Variants in ASH1L observed in about 807,000 individuals in gnomAD.
ASH1L encodes the protein histone-lysine N-methyltransferase ASH1L.
ASH1L carries 23 observed loss-of-function variants against 269.0 expected under a neutral mutation model. The ratio of observed to expected loss-of-function variants is 0.09; its 90% CI spans 0.06 to 0.12. ASH1L has a LOEUF of 0.12. ASH1L is among the 10% of genes least tolerant of loss of function. The pLI, the probability that ASH1L is intolerant of heterozygous loss-of-function variation, is 1.00. For synonymous variants in ASH1L, 1,187 were observed against 1,253.5 expected (o/e 0.95, Z 1.12); for missense variants, 2,912 against 3,567.8 (o/e 0.82, Z 4.68).
chr1:155,423,589 A>AAAACG (rs1660896578), intron 5 of ASH1L, among the ~76,000 whole-genome samples: 1 of 152,052 alleles, frequency 6.6e-6, no homozygotes, highest in Non-Finnish European at 1.5e-5. Flanking sequence ...AAAACAAAAC[A>AAAACG]AAAACAAAAA....
chr1:155,376,332 C>T (rs748544168), intron 10 of ASH1L, among the ~76,000 whole-genome samples: 12 of 152,216 alleles, frequency 7.9e-5, no homozygotes, highest in Non-Finnish European at 1.3e-4. Flanking sequence ...ACATGGACAG[C>T]TGACTAGAGA....
chr1:155,530,252 T>C (rs992106345), intron 1 of ASH1L, among the ~76,000 whole-genome samples: 1 of 152,202 alleles, frequency 6.6e-6, no homozygotes, highest in Non-Finnish European at 1.5e-5. Context: ...GTGTACTATA[T>C]ATTTGTTGTG....
rs1354219740 is a variant in ASH1L at position 155,358,436 on chromosome 1, A to G, written c.6796-687T>C. Among the ~76,000 whole-genome samples, 12 of 152,028 alleles carry G rather than the reference A, an allele frequency of 7.9e-5. No individual in the cohort carries two copies. The South Asian group carries it at 1.5e-3, about 18-fold the overall frequency. On this transcript the variant is annotated intron_variant, in intron 13 of 27. Coordinates refer to ENST00000392403, the MANE Select transcript of ASH1L (RefSeq NM_018489.3). ...GCATGGTGGCTCATGCCTGTAATCC[A>G]GCACTTTGGGAGGCCAAGGCGGGCG... is the stretch of plus-strand genomic sequence containing the variant.
chr1:155,426,447 C>T (rs981488145), intron 5 of ASH1L, among the ~76,000 whole-genome samples: 5 of 151,804 alleles, frequency 3.3e-5, no homozygotes, highest in East Asian at 1.9e-4. Flanking sequence ...GTGATCCGAC[C>T]GCCTCGGCCT....
intron 4 of ASH1L, among the ~76,000 whole-genome samples, chr1:155,443,979 C>CTTTTTTTTTT (rs60206113): frequency 9.5e-6 from 1 of 105,768 alleles, no homozygotes; most frequent in African/African-American, 4.0e-5. Context: ...ATTACTAAAT[C>CTTTTTTTTTT]TTTTTTTTTT....
At chr1:155,392,451 A>G (rs1274450742) in intron 7 of ASH1L, among the ~76,000 whole-genome samples, 2 of 151,968 alleles carry the variant, frequency 1.3e-5, no homozygotes, top group African/African-American at 4.8e-5. Flanking sequence ...ACTTAGGATT[A>G]CTATGTTTTA....
Position 155,338,291 on chromosome 1 carries a change from C to T in ASH1L, c.8601G>A (p.Glu2867=). The T allele has an allele frequency of 6.2e-7, 1 of 1,614,070 alleles. No homozygotes were observed. The highest frequency in any genetic ancestry group is 8.5e-7 in the Non-Finnish European group (1 of 1,180,026). ...GGCTGGGTATCTCATTGGCTGCTTG[C>T]TCTTGACTGGCTAGAACCTCTTCAA... ...PLIEEVLASQ[E]QAANEIPSLE... The change falls in exon 27 of 28, where the codon GAG becomes GAA. Residue 2867 remains glutamate, a synonymous_variant. Transcript: ENST00000392403.
In ASH1L at chr1:155,502,051, G is replaced by GTTTTCTTTTC. The variant is rs374861569; in HGVS notation, c.420+19039_420+19048dup. On this transcript the variant is annotated intron_variant, in intron 2 of 27. Transcript: ENST00000392403. ...ATATTTGAGTAATACAGTTATGACA[G>GTTTTCTTTTC]TTTTCTTTTCTTTTCTTTTCTTTTT... Among the ~76,000 whole-genome samples, 13 of 148,060 alleles carry GTTTTCTTTTC rather than the reference G, an allele frequency of 8.8e-5. No homozygotes were observed. In the South Asian group the frequency reaches 1.1e-3, roughly 12 times the overall value.
At chr1:155,540,844 C>T (rs981702765) in intron 1 of ASH1L, among the ~76,000 whole-genome samples, 1 of 152,184 alleles carries the variant, frequency 6.6e-6, no homozygotes, top group African/African-American at 2.4e-5. Flanking sequence ...AAGCACTTTT[C>T]AGTTCCCAAA....
intron 6 of ASH1L, among the ~76,000 whole-genome samples, chr1:155,401,225 C>T (rs548044299): frequency 6.6e-6 from 1 of 152,070 alleles, no homozygotes; most frequent in East Asian, 1.9e-4. Context: ...ACCTGTAATC[C>T]TAGCACTTTG....
At chr1:155,396,241 T>A (rs546567871) in intron 6 of ASH1L, 3 of 152,024 alleles carry the variant, frequency 2.0e-5, no homozygotes, top group Non-Finnish European at 4.4e-5. Context: ...AAAAGGAAAA[T>A]GAGAAAAAAG....
chr1:155,562,391 C>G lies in ASH1L; in HGVS notation c.-338G>C. On this transcript the variant is annotated 5_prime_UTR_variant, in exon 1 of 28. Transcript: ENST00000392403. ...CCCGCAACCGAGACTGGGATCGTCT[C>G]CCCTCCGCAAAGCGAACCCAAAATG... 6.7e-7 allele frequency: 1 copy of G among 1,501,276 alleles called. No individual in the cohort carries two copies. Among genetic ancestry groups the G allele is most frequent in the South Asian group, 1.2e-5 (1 of 84,046 alleles). 93.0% of individuals were successfully genotyped at this position (1,501,276 alleles called of 1,614,324 possible).
chr1:155,552,057 C>CG (rs1343083315), intron 1 of ASH1L, among the ~76,000 whole-genome samples: 2 of 152,210 alleles, frequency 1.3e-5, no homozygotes, highest in Non-Finnish European at 2.9e-5. Flanking sequence ...AGATCTATAT[C>CG]GAAAAAAGAA....
At chr1:155,356,463 T>C (rs1654393975) in intron 15 of ASH1L, among the ~76,000 whole-genome samples, 2 of 151,636 alleles carry the variant, frequency 1.3e-5, no homozygotes, top group African/African-American at 4.8e-5. Context: ...TGAAACCCTG[T>C]CTCTACTAAA....
chr1:155,481,565 C>A lies in ASH1L; in HGVS notation c.1305G>T (p.Pro435=), dbSNP rs764471849. The change falls in exon 3 of 28, where the codon CCG becomes CCT. Residue 435 remains proline, a synonymous_variant. Coordinates refer to ENST00000392403, the MANE Select transcript of ASH1L (RefSeq NM_018489.3). ...TGTTTGTACTACAAGAAGCCTTAAG[C>A]GGTTCCTGAGTGGGGAGCAGTGCTT... The part of the protein sequence containing the change: ...KAEALLPTQE[P]LKASCSTNIN... The A allele has an allele frequency of 6.2e-7, 1 of 1,614,114 alleles. No homozygotes were observed. The highest frequency in any genetic ancestry group is 8.5e-7 in the Non-Finnish European group (1 of 1,179,996).
chr1:155,508,895 C>A (rs10158433), intron 2 of ASH1L, among the ~76,000 whole-genome samples: 3 of 151,974 alleles, frequency 2.0e-5, no homozygotes, highest in Non-Finnish European at 4.4e-5. Flanking sequence ...TCAAGTCATG[C>A]GCTAGGGGCA....
At chr1:155,489,794 CAAAA>C (rs1041636470) in intron 2 of ASH1L, among the ~76,000 whole-genome samples, 9 of 42,696 alleles carry the variant, frequency 2.1e-4, no homozygotes, top group African/African-American at 4.2e-4. Flanking sequence ...GACACTGTCT[CAAAA>C]TAAATAAATA....
Position 155,335,871 on chromosome 1 carries a change from C to T in ASH1L, c.*1789G>A, listed in dbSNP as rs1652268439. On this transcript the variant is annotated 3_prime_UTR_variant, in exon 28 of 28. Transcript: ENST00000392403. Reference sequence around the variant, plus strand: ...CTCGCTTTTGACTAAAAGGAGACCCCCAAAGTGCCCCTAGTCCCACCTCCC... The same window carrying T: ...CTCGCTTTTGACTAAAAGGAGACCCTCAAAGTGCCCCTAGTCCCACCTCCC... 2 of 152,436 alleles carry T rather than the reference C, an allele frequency of 1.3e-5. No homozygotes were observed. The highest frequency in any genetic ancestry group is 4.8e-5 in the African/African-American group (2 of 41,382). The allele number at this position is 152,436 out of a possible 1,614,324, so 9.4% of individuals were successfully genotyped here.
At chr1:155,504,458 T>C (rs1347505388) in intron 2 of ASH1L, among the ~76,000 whole-genome samples, 1 of 152,182 alleles carries the variant, frequency 6.6e-6, no homozygotes, top group Non-Finnish European at 1.5e-5. Context: ...TCTGCCCCAA[T>C]ATTATATAGC....
Sources: allele counts gnomAD v4.1 joint callset (sites outside exome capture counted in the v4.1 genomes callset), GRCh38; gene constraint gnomAD v4.1.1; transcripts MANE v1.5; gene names NCBI Gene and HGNC (gene_info 2026-07-23, HGNC 2026-07-21).